The following EBAG9 variants were observed in gnomAD, a reference collection of about 807,000 sequenced individuals.
EBAG9 encodes receptor-binding cancer antigen expressed on SiSo cells.
Under a neutral mutation model 30.9 loss-of-function variants are expected in EBAG9, and 16 were observed. That is an observed-to-expected ratio of 0.52 (90% CI 0.35 to 0.79). The LOEUF (loss-of-function observed/expected upper bound fraction) is 0.79, where lower values mean the gene tolerates loss of function less well. Ranked by LOEUF, EBAG9 falls within the 30% of genes least tolerant of loss-of-function variation. EBAG9 has a pLI of 0.01. For missense variants in EBAG9, 197 were observed against 242.1 expected (o/e 0.81, Z 1.24); for synonymous variants, 93 against 82.8 (o/e 1.12, Z -0.67).
chr8:109,555,893 T>G (rs1821588791), intron 4 of EBAG9, among the ~76,000 whole-genome samples: 1 of 152,162 alleles, frequency 6.6e-6, no homozygotes, highest in South Asian at 2.1e-4. Context: ...CCCATCACTC[T>G]TAGCCAGTTC....
At chr8:109,549,718 G>T (rs1293389661) in intron 1 of EBAG9, among the ~76,000 whole-genome samples, 2 of 151,946 alleles carry the variant, frequency 1.3e-5, no homozygotes, top group Non-Finnish European at 2.9e-5. Flanking sequence ...TATCTGTCTT[G>T]TTTATGATAT....
At chr8:109,562,150 T>G (rs1821723953) in intron 6 of EBAG9, among the ~76,000 whole-genome samples, 1 of 152,086 alleles carries the variant, frequency 6.6e-6, no homozygotes, top group Non-Finnish European at 1.5e-5. Flanking sequence ...TAAGACATTT[T>G]GGGGATTCTA....
chr8:109,564,033 G>A (rs1018229087), intron 6 of EBAG9, among the ~76,000 whole-genome samples: 4 of 152,012 alleles, frequency 2.6e-5, no homozygotes, highest in Admixed American at 6.6e-5. Context: ...AGATTATCAA[G>A]CTCAATATCA....
intron 1 of EBAG9, among the ~76,000 whole-genome samples, chr8:109,541,369 A>C (rs1411561551): frequency 6.6e-6 from 1 of 152,184 alleles, no homozygotes; most frequent in Non-Finnish European, 1.5e-5. Context: ...TAAGTAGGAT[A>C]TGATGTAGGG....
intron 3 of EBAG9, 31 bp from the exon 4 acceptor site, chr8:109,554,697 TG>T (rs1821560531): frequency 1.3e-6 from 2 of 1,597,290 alleles, no homozygotes; most frequent in South Asian, 2.2e-5. Flanking sequence ...GTTGCCCCTT[TG>T]TGGCTGATAA....
intron 1 of EBAG9, among the ~76,000 whole-genome samples, chr8:109,543,135 CTTTTTTT>C (rs557388998): frequency 3.8e-5 from 2 of 52,880 alleles, no homozygotes; most frequent in Non-Finnish European, 5.1e-5. Context: ...TATTCTGGTT[CTTTTTTT>C]TTTTTTTTTT....
chr8:109,545,428 A>C (rs1465104263), intron 1 of EBAG9, among the ~76,000 whole-genome samples: 1 of 98,480 alleles, frequency 1.0e-5, no homozygotes, highest in African/African-American at 4.0e-5. Flanking sequence ...CAGTCATGTG[A>C]TCTCAGCTCA....
chr8:109,563,278 C>T, intron 6 of EBAG9: 1 of 1,090,594 alleles, frequency 9.2e-7, no homozygotes, highest in Non-Finnish European at 1.3e-6. Flanking sequence ...CATAGATAAT[C>T]CACTTTGGAT....
chr8:109,539,753 C>T (rs950066174), upstream of EBAG9: 68 of 152,426 alleles, frequency 4.5e-4, no homozygotes, highest in African/African-American at 1.5e-3. Flanking sequence ...GCAACGCAGG[C>T]TGCTACGGAG....
chr8:109,562,498 A>C (rs1206957121), intron 6 of EBAG9, among the ~76,000 whole-genome samples: 1 of 151,986 alleles, frequency 6.6e-6, no homozygotes, highest in Non-Finnish European at 1.5e-5. Context: ...AGCATTTTAA[A>C]AGTGTATCCA....
intron 6 of EBAG9, among the ~76,000 whole-genome samples, chr8:109,564,143 G>A (rs1316194674): frequency 6.6e-6 from 1 of 152,066 alleles, no homozygotes; most frequent in East Asian, 1.9e-4. Context: ...GAAGATGTGA[G>A]TTCTTATCCC....
chr8:109,554,453 T>C (rs1188597923), intron 3 of EBAG9, among the ~76,000 whole-genome samples: 1 of 152,192 alleles, frequency 6.6e-6, no homozygotes, highest in African/African-American at 2.4e-5. Flanking sequence ...AGTTTTAATG[T>C]CAGTTCAGTT....
At chr8:109,559,040 A>C (rs1821660085) in intron 5 of EBAG9, among the ~76,000 whole-genome samples, 1 of 152,222 alleles carries the variant, frequency 6.6e-6, no homozygotes, top group Admixed American at 6.5e-5. Flanking sequence ...TTTTAAAAAA[A>C]ATCTAAATAT....
intron 1 of EBAG9, among the ~76,000 whole-genome samples, chr8:109,548,628 A>G (rs1821431802): frequency 6.6e-6 from 1 of 152,110 alleles, no homozygotes. Context: ...GTCTTTTTAA[A>G]TTAATAGGCC....
chr8:109,552,564 G>T (rs1821515384), intron 2 of EBAG9, among the ~76,000 whole-genome samples: 1 of 152,124 alleles, frequency 6.6e-6, no homozygotes, highest in Non-Finnish European at 1.5e-5. Context: ...ATGAAATGTA[G>T]ATGTTTTCTT....
intron 3 of EBAG9, 121 bp from the exon 4 acceptor site, chr8:109,554,608 C>A: frequency 1.1e-6 from 1 of 870,498 alleles, no homozygotes; most frequent in Non-Finnish European, 1.7e-6. Context: ...GTATGTTTTC[C>A]CGTGGGTTAA....
At chr8:109,552,265 A>G (rs1285292328) in intron 2 of EBAG9, among the ~76,000 whole-genome samples, 1 of 147,034 alleles carries the variant, frequency 6.8e-6, no homozygotes, top group Admixed American at 6.9e-5. Flanking sequence ...GGGATTTAAA[A>G]AAAAAAAAAA....
intron 1 of EBAG9, among the ~76,000 whole-genome samples, chr8:109,545,247 G>A (rs1821358744): frequency 6.7e-6 from 1 of 149,808 alleles, no homozygotes; most frequent in African/African-American, 2.5e-5. Flanking sequence ...GCTTGAACCC[G>A]GGAAGCGGAA....
chr8:109,564,454 A>C lies in EBAG9; in HGVS notation c.537A>C (p.Ala179=). 6.2e-7 allele frequency: 1 copy of C among 1,612,564 alleles called. No individual in the cohort carries two copies. The change falls in exon 7 of 7, where the codon GCA becomes GCC. Residue 179 remains alanine (A), a synonymous_variant. Transcript: ENST00000337573. ...AEEVLRQQKL[A]DREKRAAEQQ... is the part of the protein sequence containing the mutation. ...TTCTTTTCAGACAGCAGAAACTAGCAGACAGAGAAAAGAGAGCAGCCGAAC... is the reference window on the plus strand; with the variant it reads ...TTCTTTTCAGACAGCAGAAACTAGCCGACAGAGAAAAGAGAGCAGCCGAAC...
Sources: allele counts gnomAD v4.1 joint callset (sites outside exome capture counted in the v4.1 genomes callset), GRCh38; gene constraint gnomAD v4.1.1; transcripts MANE v1.5; gene names NCBI Gene and HGNC (gene_info 2026-07-23, HGNC 2026-07-21).